STAG1: variants seen among roughly 807,000 people sequenced by gnomAD.
The protein encoded by STAG1 is cohesin subunit SA-1.
Under a neutral mutation model 170.9 loss-of-function variants are expected in STAG1, and 26 were observed. The ratio of observed to expected loss-of-function variants is 0.15; its 90% CI spans 0.11 to 0.21. The LOEUF is 0.21. Among genes scored for constraint, STAG1 ranks in the 10% least tolerant of loss-of-function variants. STAG1 has a pLI of 1.00. For missense variants in STAG1, 964 were observed against 1,509.5 expected, an observed-to-expected ratio of 0.64 and a Z score of 5.99; for synonymous variants, 514 against 497.7, an observed-to-expected ratio of 1.03 and a Z score of -0.44.
chr3:136,541,697 G>A (rs903912397), intron 6 of STAG1, among the ~76,000 whole-genome samples: 3 of 152,042 alleles, frequency 2.0e-5, no homozygotes, highest in African/African-American at 7.2e-5. Flanking sequence ...ATAACATAAT[G>A]TGATTTTATA....
intron 3 of STAG1, among the ~76,000 whole-genome samples, chr3:136,612,855 GTT>G (rs1487293161): frequency 6.6e-6 from 1 of 152,132 alleles, no homozygotes; most frequent in Non-Finnish European, 1.5e-5. Context: ...TCACAAGCAG[GTT>G]TTTCTGTGTA....
chr3:136,668,640 G>A lies in STAG1; in HGVS notation c.-83-37659C>T, dbSNP rs75935662. On this transcript the variant is annotated intron_variant, in intron 1 of 33. Coordinates refer to ENST00000383202, the MANE Select transcript of STAG1 (RefSeq NM_005862.3). ...AGGAGGGGAAATCAGGAAAGGACAC[G>A]GAACAGTACAGTTCTGATCTGCCAG... Among the ~76,000 whole-genome samples the A allele has an allele frequency of 9.0e-3, 1,371 of 152,054 alleles. 24 individuals carry two copies. Among genetic ancestry groups the A allele is most frequent in the African/African-American group, 0.029 (1,220 of 41,482 alleles).
rs567182906 is a variant in STAG1, at chr3:136,349,351, T to C, written c.3078A>G (p.Leu1026=). 6.2e-7 allele frequency: 1 copy of C among 1,613,126 alleles called. No individual in the cohort carries two copies. Among genetic ancestry groups the C allele is most frequent in the African/African-American group, 1.3e-5 (1 of 75,030 alleles). ...TCATCTGCTCGGTAAGGAATTTCTC[T>C]AGGTATGAATGACTAGAAACACAAT... ...RQDKKTVHSY[L]EKFLTEQMME... The change falls in exon 29 of 34, where the codon CTA becomes CTG. Residue 1026 remains leucine (L), a synonymous_variant. Coordinates refer to ENST00000383202, the MANE Select transcript of STAG1 (RefSeq NM_005862.3).
chr3:136,507,951 T>A (rs1933853601), intron 7 of STAG1, among the ~76,000 whole-genome samples: 1 of 152,294 alleles, frequency 6.6e-6, no homozygotes, highest in Non-Finnish European at 1.5e-5. Context: ...CAACTGGAGC[T>A]GCTCACTGAT....
chr3:136,403,224 T>TAAAAAAAAAAAA (rs55678408), intron 21 of STAG1, among the ~76,000 whole-genome samples: 24 of 33,600 alleles, frequency 7.1e-4, no homozygotes, highest in African/African-American at 1.5e-3. Context: ...GAGACTGTCT[T>TAAAAAAAAAAAA]AAAAAAAAAA....
At chr3:136,484,363 G>T (rs1486698730) in intron 9 of STAG1, among the ~76,000 whole-genome samples, 40 of 146,944 alleles carry the variant, frequency 2.7e-4, no homozygotes, top group Admixed American at 2.5e-3. Context: ...TGCCCCTGCT[G>T]TGGGGTGTCT....
At chr3:136,396,520 C>CTT (rs146270857) in intron 22 of STAG1, among the ~76,000 whole-genome samples, 2,605 of 43,630 alleles carry the variant, frequency 0.06, 629 homozygotes, top group African/African-American at 0.072. Context: ...CGCGCCTGGC[C>CTT]TTTTTTTTTT....
intron 10 of STAG1, 57 bp from the exon 11 acceptor site, chr3:136,473,694 C>T: frequency 1.5e-6 from 2 of 1,332,120 alleles, no homozygotes; most frequent in Non-Finnish European, 2.1e-6. Context: ...CTACAATTTT[C>T]AAGTCTATAT....
intron 6 of STAG1, among the ~76,000 whole-genome samples, chr3:136,540,091 A>G (rs1935816340): frequency 6.6e-6 from 1 of 152,072 alleles, no homozygotes; most frequent in South Asian, 2.1e-4. Flanking sequence ...ACAAAACCAA[A>G]TGACATATAT....
chr3:136,532,041 T>A (rs1935401712), intron 6 of STAG1, among the ~76,000 whole-genome samples: 1 of 137,938 alleles, frequency 7.2e-6, no homozygotes. Context: ...AGACCAAAAA[T>A]AAATTAAAAC....
intron 21 of STAG1, among the ~76,000 whole-genome samples, chr3:136,404,118 C>A (rs1016134454): frequency 6.6e-6 from 1 of 152,154 alleles, no homozygotes. Context: ...TCAGTAACTT[C>A]GTCTTTCTGG....
intron 6 of STAG1, among the ~76,000 whole-genome samples, chr3:136,525,428 G>T (rs1243582781): frequency 2.6e-5 from 4 of 152,124 alleles, no homozygotes; most frequent in Admixed American, 2.6e-4. Context: ...ATTTCTGTGG[G>T]ATCGGTGGTG....
intron 7 of STAG1, among the ~76,000 whole-genome samples, chr3:136,507,561 T>C (rs1933831032): frequency 6.6e-6 from 1 of 151,780 alleles, no homozygotes; most frequent in Admixed American, 6.6e-5. Context: ...GAGATGGGGG[T>C]CCCACTATAT....
At position 136,338,376 on chromosome 3, in the gene STAG1, A is replaced by G; in HGVS notation, c.3747T>C (p.Asp1249=). 1.2e-6 allele frequency: 2 copies of G among 1,612,840 alleles called. No homozygotes were observed. The highest frequency in any genetic ancestry group is 1.7e-6 in the Non-Finnish European group (2 of 1,178,850). ...DFFDSAAIIE[D]DSGFGMPMF ...GTAATAATTTGACATTTACTGAATC[A>G]TCTTCTATGATAGCTGCAGAGTCAA... Residue 1249 remains aspartate (D), a synonymous_variant, in exon 33 of 34, where the codon GAT becomes GAC. Transcript: ENST00000383202.
intron 1 of STAG1, among the ~76,000 whole-genome samples, chr3:136,633,178 C>T (rs1402234629): frequency 6.6e-6 from 1 of 151,984 alleles, no homozygotes; most frequent in African/African-American, 2.4e-5. Flanking sequence ...GTCCAGCAGG[C>T]TTTCCAGTTT....
At chr3:136,404,993 G>A (rs2087436539) in intron 21 of STAG1, among the ~76,000 whole-genome samples, 1 of 152,036 alleles carries the variant, frequency 6.6e-6, no homozygotes, top group South Asian at 2.1e-4. Flanking sequence ...CTGTTGGCAA[G>A]AGACCTTAAA....
intron 7 of STAG1, among the ~76,000 whole-genome samples, chr3:136,510,408 G>C (rs1933996484): frequency 6.6e-6 from 1 of 151,894 alleles, no homozygotes; most frequent in Non-Finnish European, 1.5e-5. Context: ...TCGTGCCTCA[G>C]CCTCCCTAGT....
intron 21 of STAG1, among the ~76,000 whole-genome samples, chr3:136,406,309 A>C (rs1032861902): frequency 7.9e-5 from 12 of 152,224 alleles, no homozygotes; most frequent in Non-Finnish European, 1.3e-4. Context: ...CAACGGTTAC[A>C]TGCTGTATGA....
intron 6 of STAG1, among the ~76,000 whole-genome samples, chr3:136,525,909 A>G (rs1934993612): frequency 6.6e-6 from 1 of 152,148 alleles, no homozygotes; most frequent in Non-Finnish European, 1.5e-5. Flanking sequence ...AGCAGTTTTG[A>G]GTGAGTTTCT....
Sources: allele counts gnomAD v4.1 joint callset (sites outside exome capture counted in the v4.1 genomes callset), GRCh38; gene constraint gnomAD v4.1.1; transcripts MANE v1.5; gene names NCBI Gene and HGNC (gene_info 2026-07-23, HGNC 2026-07-21).